The following APBA2 variants were observed in gnomAD, a reference collection of about 807,000 sequenced individuals.
APBA2 encodes amyloid-beta A4 precursor protein-binding family A member 2.
APBA2 carries 30 observed loss-of-function variants against 75.0 expected under a neutral mutation model. That is an observed-to-expected ratio of 0.40 (90% confidence interval 0.30 to 0.54). APBA2 has a LOEUF of 0.54. APBA2 is among the 20% of genes least tolerant of loss of function. The pLI, the probability that APBA2 is intolerant of heterozygous loss-of-function variation, is 0.49. For missense variants in APBA2, 801 were observed against 1,016.1 expected (o/e 0.79, Z 2.88); for synonymous variants, 444 against 409.6 (o/e 1.08, Z -1.01).
chr15:28,958,781 G>C (rs772426462), intron 2 of APBA2, among the ~76,000 whole-genome samples: 6 of 151,892 alleles, frequency 4.0e-5, no homozygotes, highest in Non-Finnish European at 8.8e-5. Context: ...TACTTCCAAA[G>C]CAGGAGGGTC....
At chr15:29,083,821 G>A (rs953399859) in intron 6 of APBA2, among the ~76,000 whole-genome samples, 1 of 152,074 alleles carries the variant, frequency 6.6e-6, no homozygotes, top group African/African-American at 2.4e-5. Flanking sequence ...ATGAGCCACC[G>A]CGCCCGGCCC....
At chr15:28,970,034 T>G (rs2036982298) in intron 2 of APBA2, among the ~76,000 whole-genome samples, 1 of 152,202 alleles carries the variant, frequency 6.6e-6, no homozygotes, top group Admixed American at 6.5e-5. Context: ...CTGGACAGCT[T>G]GGCCTCTTGT....
chr15:29,019,125 G>A (rs751210839), intron 3 of APBA2, among the ~76,000 whole-genome samples: 1 of 152,186 alleles, frequency 6.6e-6, no homozygotes, highest in Non-Finnish European at 1.5e-5. Context: ...CAGAGGACAG[G>A]TCATGCTGCA....
At position 29,045,103 on chromosome 15, in the gene APBA2, C is replaced by CTCTCTT. The variant is rs57446098; in HGVS notation, c.-40-8742_-40-8741insTCTCTT. 1.5e-3 allele frequency among the ~76,000 whole-genome samples: 217 copies of CTCTCTT among 140,402 alleles called. 7 individuals carry two copies. The highest frequency in any genetic ancestry group is 2.7e-3 in the South Asian group (11 of 4,104). The allele number at this position is 140,402 out of a possible 152,430, so 92.1% of individuals were successfully genotyped here. Reference sequence around the variant, plus strand: ...TCTCTCTCTCTCTCTCTCTCTCTCTCGTCTCGCACTGTCACCTGGGCTGGA... The same window carrying CTCTCTT: ...TCTCTCTCTCTCTCTCTCTCTCTCTCTCTCTTGTCTCGCACTGTCACCTGGGCTGGA... On this transcript the variant is annotated intron_variant, in intron 3 of 14. Coordinates refer to ENST00000683413, the MANE Select transcript of APBA2 (RefSeq NM_001353788.2).
chr15:29,099,202 T>TC (rs1309644040), intron 9 of APBA2, among the ~76,000 whole-genome samples: 4 of 152,100 alleles, frequency 2.6e-5, no homozygotes, highest in Non-Finnish European at 5.9e-5. Context: ...CTGGACTAGA[T>TC]CCCCCCACCA....
At chr15:28,980,698 A>C (rs1252901390) in intron 2 of APBA2, among the ~76,000 whole-genome samples, 1 of 152,192 alleles carries the variant, frequency 6.6e-6, no homozygotes, top group Admixed American at 6.5e-5. Context: ...ACTATTCCAA[A>C]ATTAATATGG....
chr15:29,007,082 G>A (rs1429107995), intron 3 of APBA2, among the ~76,000 whole-genome samples: 1 of 152,194 alleles, frequency 6.6e-6, no homozygotes, highest in Non-Finnish European at 1.5e-5. Context: ...AAGGAATTGA[G>A]TAGACAGCCC....
intron 2 of APBA2, among the ~76,000 whole-genome samples, chr15:28,956,443 G>A (rs1159194054): frequency 6.6e-6 from 1 of 152,142 alleles, no homozygotes. Flanking sequence ...TGGAGCAGGC[G>A]ACAGCCGGGT....
chr15:29,008,886 G>GA (rs1280841598), intron 3 of APBA2, among the ~76,000 whole-genome samples: 2 of 152,146 alleles, frequency 1.3e-5, no homozygotes, highest in African/African-American at 4.8e-5. Flanking sequence ...AAAGGTAATT[G>GA]AAACTATGTT....
chr15:28,908,583 A>G (rs2033263322), intron 1 of APBA2, among the ~76,000 whole-genome samples: 1 of 152,058 alleles, frequency 6.6e-6, no homozygotes, highest in Non-Finnish European at 1.5e-5. Flanking sequence ...TGCTGGGATT[A>G]CAGGCGTGAG....
chr15:29,082,673 A>T (rs576133862), intron 6 of APBA2, among the ~76,000 whole-genome samples: 1 of 152,266 alleles, frequency 6.6e-6, no homozygotes, highest in East Asian at 1.9e-4. Context: ...TTTGCTAAAC[A>T]TGTCATTTAG....
At chr15:29,066,795 T>C (rs559289450) in intron 4 of APBA2, among the ~76,000 whole-genome samples, 2 of 152,292 alleles carry the variant, frequency 1.3e-5, no homozygotes, top group African/African-American at 4.8e-5. Flanking sequence ...ATTTGGATCC[T>C]CTAAAACCAA....
chr15:28,967,046 T>G (rs1166518158), intron 2 of APBA2, among the ~76,000 whole-genome samples: 3 of 152,088 alleles, frequency 2.0e-5, no homozygotes, highest in Non-Finnish European at 2.9e-5. Flanking sequence ...CAGTCTAGTC[T>G]TCTTCTGTTA....
intron 2 of APBA2, among the ~76,000 whole-genome samples, chr15:28,956,248 G>A (rs992516197): frequency 4.6e-5 from 7 of 152,150 alleles, no homozygotes; most frequent in African/African-American, 1.7e-4. Flanking sequence ...GCAGGGGCTG[G>A]CATATGCAGT....
intron 4 of APBA2, among the ~76,000 whole-genome samples, chr15:29,057,455 A>G (rs1260905208): frequency 6.6e-6 from 1 of 152,260 alleles, no homozygotes; most frequent in African/African-American, 2.4e-5. Flanking sequence ...AAATAGAGTT[A>G]GAAAAAATGG....
rs367928728 is a variant in APBA2 at position 29,045,109 on chromosome 15, G to A, written c.-40-8736G>A. Among the ~76,000 whole-genome samples the A allele has an allele frequency of 2.8e-3, 257 of 90,188 alleles. 2 individuals are homozygous for A. Among genetic ancestry groups the A allele is most frequent in the African/African-American group, 8.8e-3 (116 of 13,124 alleles). The allele number at this position is 90,188 out of a possible 152,430, so 59.2% of individuals were successfully genotyped here. On this transcript the variant is annotated intron_variant, in intron 3 of 14. Transcript: ENST00000683413. ...TCTCTCTCTCTCTCTCTCTCGTCTC[G>A]CACTGTCACCTGGGCTGGAGTGCAA...
chr15:29,078,637 CA>C (rs906723579), intron 6 of APBA2, among the ~76,000 whole-genome samples: 66 of 141,880 alleles, frequency 4.7e-4, no homozygotes, highest in East Asian at 8.2e-4. Context: ...AAACAAAAAA[CA>C]AAAAAAAAAA....
chr15:28,957,257 A>G (rs2036221094), intron 2 of APBA2, among the ~76,000 whole-genome samples: 1 of 151,672 alleles, frequency 6.6e-6, no homozygotes, highest in Non-Finnish European at 1.5e-5. Context: ...AAGTATTTTT[A>G]GTAGAGACGG....
At chr15:28,958,454 A>T (rs1307159458) in intron 2 of APBA2, among the ~76,000 whole-genome samples, 2 of 152,260 alleles carry the variant, frequency 1.3e-5, no homozygotes, top group South Asian at 4.1e-4. Context: ...ATGAAAGTGT[A>T]GCGTTTTGGG....
Sources: gnomAD v4.1 joint callset for allele counts (sites outside exome capture counted in the v4.1 genomes callset) on GRCh38, gnomAD v4.1.1 for gene constraint, MANE v1.5 for transcripts, NCBI Gene and HGNC (gene_info 2026-07-23, HGNC 2026-07-21) for gene names.